The following SUGCT variants were observed in gnomAD, a reference collection of about 807,000 sequenced individuals.
SUGCT encodes the protein succinyl-CoA:glutarate-CoA transferase.
Under a neutral mutation model 55.0 loss-of-function variants are expected in SUGCT, and 41 were observed. The ratio of observed to expected loss-of-function variants is 0.74; its 90% CI spans 0.58 to 0.97. The LOEUF is 0.97. Ranked by LOEUF, SUGCT falls within the 50% of genes least tolerant of loss-of-function variation. The pLI is 0.00. For missense variants in SUGCT, 568 were observed against 547.8 expected, an observed-to-expected ratio of 1.04 and a Z score of -0.37; for synonymous variants, 187 against 200.4, an observed-to-expected ratio of 0.93 and a Z score of 0.56.
intron 13 of SUGCT, among the ~76,000 whole-genome samples, chr7:40,797,563 T>C (rs1200166291): frequency 6.6e-6 from 1 of 152,164 alleles, no homozygotes; most frequent in Non-Finnish European, 1.5e-5. Flanking sequence ...ATATATCTCT[T>C]AGATTTATCC....
chr7:40,717,172 A>G (rs931394382), intron 12 of SUGCT, among the ~76,000 whole-genome samples: 2 of 152,194 alleles, frequency 1.3e-5, no homozygotes, highest in Non-Finnish European at 2.9e-5. Flanking sequence ...ATTAAGCTAC[A>G]TATTTGTTCA....
intron 9 of SUGCT, among the ~76,000 whole-genome samples, chr7:40,362,142 G>A (rs1437854479): frequency 2.0e-5 from 3 of 152,044 alleles, no homozygotes; most frequent in Admixed American, 6.6e-5. Flanking sequence ...AACCATGCCC[G>A]GCGCAGTGGC....
intron 12 of SUGCT, among the ~76,000 whole-genome samples, chr7:40,743,152 T>C (rs1413875961): frequency 6.6e-6 from 1 of 152,178 alleles, no homozygotes; most frequent in African/African-American, 2.4e-5. Flanking sequence ...ACAGTGTATA[T>C]GGCAGATTCA....
At position 40,320,220 on chromosome 7, in the gene SUGCT, C is replaced by T. The variant is rs186851303; in HGVS notation, c.816+3365C>T. Among the ~76,000 whole-genome samples the T allele has an allele frequency of 3.6e-3, 552 of 151,606 alleles. 1 individual carries two copies. The highest frequency in any genetic ancestry group is 0.013 in the African/African-American group (531 of 41,360). On this transcript the variant is annotated intron_variant, in intron 9 of 13. Transcript: ENST00000335693. ...CTCCCAGGTTCAAGCTATGCTCCTGCCTCAGCCTCCTGAGTAGCTGGGATT... is the reference window on the plus strand; with the variant it reads ...CTCCCAGGTTCAAGCTATGCTCCTGTCTCAGCCTCCTGAGTAGCTGGGATT...
At chr7:40,767,669 G>T (rs1788874661) in intron 13 of SUGCT, among the ~76,000 whole-genome samples, 2 of 152,172 alleles carry the variant, frequency 1.3e-5, no homozygotes, top group Non-Finnish European at 1.5e-5. Context: ...GAGATGAAAA[G>T]GTGCCCTGAT....
intron 1 of SUGCT, among the ~76,000 whole-genome samples, chr7:40,142,500 C>T: frequency 6.6e-6 from 1 of 152,134 alleles, no homozygotes; most frequent in East Asian, 1.9e-4. Flanking sequence ...TTTTATGAGC[C>T]TCTGCACCAA....
chr7:40,901,922 G>T, the SUGCT span, among the ~76,000 whole-genome samples: 1 of 152,196 alleles, frequency 6.6e-6, no homozygotes, highest in African/African-American at 2.4e-5. Context: ...GAAATAAGGA[G>T]CCTTGCGGTG....
chr7:40,795,936 T>C (rs1790532938), intron 13 of SUGCT, among the ~76,000 whole-genome samples: 1 of 152,178 alleles, frequency 6.6e-6, no homozygotes, highest in East Asian at 1.9e-4. Context: ...ATTTTGAATA[T>C]GTGATCTTTT....
intron 12 of SUGCT, among the ~76,000 whole-genome samples, chr7:40,616,336 C>T (rs1290050572): frequency 2.6e-5 from 4 of 152,136 alleles, no homozygotes; most frequent in African/African-American, 9.7e-5. Context: ...GCTGGGATTA[C>T]AGTTGTGAAC....
chr7:40,355,798 T>A (rs1797859310), intron 9 of SUGCT, among the ~76,000 whole-genome samples: 1 of 152,252 alleles, frequency 6.6e-6, no homozygotes, highest in Admixed American at 6.5e-5. Flanking sequence ...AATGCTGATC[T>A]GTAATAAGAA....
intron 8 of SUGCT, among the ~76,000 whole-genome samples, chr7:40,305,819 G>A (rs1320832464): frequency 6.6e-6 from 1 of 151,618 alleles, no homozygotes. Flanking sequence ...ACACCACCAC[G>A]CCCAGTTAAT....
the SUGCT span, among the ~76,000 whole-genome samples, chr7:40,871,949 ATT>A: frequency 1.3e-5 from 2 of 151,840 alleles, no homozygotes; most frequent in Non-Finnish European, 2.9e-5. Flanking sequence ...GAGGGTGGCA[ATT>A]TTTTCCCTCA....
chr7:40,236,882 G>A (rs1460853823), intron 6 of SUGCT, among the ~76,000 whole-genome samples: 1 of 151,988 alleles, frequency 6.6e-6, no homozygotes, highest in African/African-American at 2.4e-5. Flanking sequence ...TGTCCAGGCT[G>A]GAGTGCAGTG....
intron 12 of SUGCT, among the ~76,000 whole-genome samples, chr7:40,510,772 A>G (rs1792882203): frequency 6.6e-6 from 1 of 152,186 alleles, no homozygotes; most frequent in Non-Finnish European, 1.5e-5. Context: ...ATGGTTGAAT[A>G]AATAAATAAA....
At chr7:40,866,310 TTA>T in the SUGCT span, among the ~76,000 whole-genome samples, 1 of 152,100 alleles carries the variant, frequency 6.6e-6, no homozygotes, top group Non-Finnish European at 1.5e-5. Context: ...GGTCCTGGAT[TTA>T]TGTTTTTAGA....
intron 6 of SUGCT, among the ~76,000 whole-genome samples, chr7:40,202,856 C>T (rs1260084413): frequency 6.6e-6 from 1 of 152,198 alleles, no homozygotes; most frequent in African/African-American, 2.4e-5. Context: ...CTTCTGCTTT[C>T]CTCATGGTGA....
the SUGCT span, among the ~76,000 whole-genome samples, chr7:41,025,108 C>G: frequency 6.6e-6 from 1 of 152,052 alleles, no homozygotes; most frequent in Non-Finnish European, 1.5e-5. Flanking sequence ...TATCTAGTTA[C>G]TTATGCATCA....
chr7:40,321,078 C>CT (rs35504638), intron 9 of SUGCT, among the ~76,000 whole-genome samples: 5,131 of 138,126 alleles, frequency 0.037, 208 homozygotes, highest in African/African-American at 0.095. Flanking sequence ...TTCTTTCTTT[C>CT]TTTTTTTTTT....
intron 9 of SUGCT, among the ~76,000 whole-genome samples, chr7:40,406,193 CAGTGTACT>C (rs1786361028): frequency 2.0e-5 from 3 of 152,116 alleles, no homozygotes; most frequent in Admixed American, 2.0e-4. Context: ...TGAGATGATA[CAGTGTACT>C]AGTCTGGATG....
Sources: allele counts gnomAD v4.1 joint callset (sites outside exome capture counted in the v4.1 genomes callset), GRCh38; gene constraint gnomAD v4.1.1; transcripts MANE v1.5; gene names NCBI Gene and HGNC (gene_info 2026-07-23, HGNC 2026-07-21).